The following ATF7 variants were observed in gnomAD, a reference collection of about 807,000 sequenced individuals.
The protein encoded by ATF7 is activating transcription factor 7.
A neutral mutation model predicts 50.4 loss-of-function variants in ATF7; 10 were observed. That is an observed-to-expected ratio of 0.20 (90% CI 0.12 to 0.34). The LOEUF (loss-of-function observed/expected upper bound fraction) is 0.34, where lower values mean the gene tolerates loss of function less well. Among genes scored for constraint, ATF7 ranks in the 10% least tolerant of loss-of-function variants. ATF7 has a pLI of 1.00. For missense variants in ATF7, 465 were observed against 613.9 expected (o/e 0.76, Z 2.56); for synonymous variants, 201 against 226.4 (o/e 0.89, Z 1.01).
intron 1 of ATF7, chr12:53,625,932 GC>G (rs1002920685): frequency 2.6e-5 from 4 of 152,134 alleles, no homozygotes; most frequent in African/African-American, 7.2e-5. Flanking sequence ...CACGCCCTGT[GC>G]CCCCCGGGGC....
chr12:53,614,415 G>T (rs1944025232), intron 1 of ATF7, among the ~76,000 whole-genome samples: 1 of 152,120 alleles, frequency 6.6e-6, no homozygotes, highest in African/African-American at 2.4e-5. Flanking sequence ...GATAAAGTAT[G>T]ATCCTCAAAA....
intron 2 of ATF7, among the ~76,000 whole-genome samples, chr12:53,592,272 A>C (rs1053360249): frequency 4.6e-5 from 7 of 152,258 alleles, no homozygotes; most frequent in Non-Finnish European, 8.8e-5. Flanking sequence ...ATTTCACTGC[A>C]CAAAGAAATT....
chr12:53,549,298 AG>A (rs56772632), intron 3 of ATF7, among the ~76,000 whole-genome samples: 9,564 of 51,886 alleles, frequency 0.18, 510 homozygotes, highest in East Asian at 0.54. Context: ...AAAAAAAAAA[AG>A]AAAGAAAAAA....
chr12:53,602,054 G>A (rs942684407), intron 1 of ATF7, among the ~76,000 whole-genome samples: 8 of 152,154 alleles, frequency 5.3e-5, no homozygotes, highest in Middle Eastern at 3.2e-3. Context: ...GATTAGAAAT[G>A]CAAATCATAG....
chr12:53,593,518 CAG>C (rs1943033256), intron 2 of ATF7, among the ~76,000 whole-genome samples: 1 of 152,178 alleles, frequency 6.6e-6, no homozygotes, highest in Non-Finnish European at 1.5e-5. Context: ...AAAAATCTTC[CAG>C]AGAGCATCTC....
chr12:53,552,284 A>G (rs1396567824), intron 3 of ATF7, among the ~76,000 whole-genome samples: 1 of 152,180 alleles, frequency 6.6e-6, no homozygotes, highest in Non-Finnish European at 1.5e-5. Context: ...ACGGTAATAG[A>G]CCGAAAAAAA....
intron 1 of ATF7, among the ~76,000 whole-genome samples, chr12:53,609,936 C>A (rs1318305420): frequency 6.7e-6 from 1 of 149,938 alleles, no homozygotes; most frequent in Non-Finnish European, 1.5e-5. Flanking sequence ...CATGCCTCAG[C>A]CTCTTGAGTA....
chr12:53,587,248 T>C (rs190125256), intron 2 of ATF7, among the ~76,000 whole-genome samples: 117 of 150,778 alleles, frequency 7.8e-4, no homozygotes, highest in African/African-American at 2.7e-3. Flanking sequence ...ACATCTGTAG[T>C]CCCAGCTACT....
intron 2 of ATF7, among the ~76,000 whole-genome samples, chr12:53,597,767 C>T (rs902232943): frequency 6.6e-6 from 1 of 150,676 alleles, no homozygotes; most frequent in South Asian, 2.1e-4. Context: ...TGATATAGCG[C>T]CACGGCACTC....
chr12:53,600,345 T>G (rs1257540135), intron 2 of ATF7, among the ~76,000 whole-genome samples: 2 of 145,360 alleles, frequency 1.4e-5, no homozygotes, highest in African/African-American at 5.0e-5. Flanking sequence ...TCTTTCTTTC[T>G]TTTTTTTTTT....
rs1241994577 is a variant in ATF7, at chr12:53,513,791, CTGTT to C, written c.*3342_*3345del. On this transcript the variant is annotated 3_prime_UTR_variant, in exon 12 of 12. Coordinates refer to ENST00000420353, the MANE Select transcript of ATF7 (RefSeq NM_006856.3). ...ACCACAGGAAGAATTTTTTTGGTGT[CTGTT>C]TGGTGGTTCAGGCTGTACATAGGGC... 1.3e-5 allele frequency: 2 copies of C among 152,076 alleles called. No homozygotes were observed. The highest frequency in any genetic ancestry group is 2.9e-5 in the Non-Finnish European group (2 of 68,050). 9.4% of individuals were successfully genotyped at this position (152,076 alleles called of 1,614,324 possible).
At chr12:53,538,821 T>G (rs2137413671) in intron 4 of ATF7, among the ~76,000 whole-genome samples, 1 of 152,224 alleles carries the variant, frequency 6.6e-6, no homozygotes, top group African/African-American at 2.4e-5. Context: ...TTAGAGAAGG[T>G]AGTAGTGGTT....
chr12:53,606,247 G>A (rs10747675), intron 1 of ATF7, among the ~76,000 whole-genome samples: 71,038 of 151,584 alleles, frequency 0.47, 17,431 homozygotes, highest in East Asian at 0.92. Context: ...AGCAGAAAGG[G>A]CACTTTTTTT....
intron 1 of ATF7, among the ~76,000 whole-genome samples, chr12:53,624,667 T>C (rs1565612346): frequency 6.6e-6 from 1 of 152,230 alleles, no homozygotes. Flanking sequence ...CATGTGTAAG[T>C]ACAAATTGTG....
At chr12:53,590,505 C>T (rs996653319) in intron 2 of ATF7, among the ~76,000 whole-genome samples, 2 of 152,164 alleles carry the variant, frequency 1.3e-5, no homozygotes, top group Non-Finnish European at 2.9e-5. Flanking sequence ...TTTTGCTCAA[C>T]CCTAATACCT....
At chr12:53,579,624 A>G (rs1367151159) in intron 2 of ATF7, among the ~76,000 whole-genome samples, 1 of 151,212 alleles carries the variant, frequency 6.6e-6, no homozygotes, top group Non-Finnish European at 1.5e-5. Context: ...TCTCTATGGT[A>G]GTGTCTTTAG....
chr12:53,530,314 T>C (rs1380091032), intron 9 of ATF7, among the ~76,000 whole-genome samples: 1 of 152,148 alleles, frequency 6.6e-6, no homozygotes, highest in African/African-American at 2.4e-5. Flanking sequence ...GGTGGTGACA[T>C]CAGGAAAAGA....
chr12:53,579,576 A>C (rs1348768620), intron 2 of ATF7, among the ~76,000 whole-genome samples: 7 of 146,700 alleles, frequency 4.8e-5, no homozygotes, highest in Non-Finnish European at 7.5e-5. Flanking sequence ...AAAAGCGTGG[A>C]GTGTGCGTAA....
intron 2 of ATF7, among the ~76,000 whole-genome samples, chr12:53,594,017 G>T: frequency 6.6e-6 from 1 of 152,198 alleles, no homozygotes; most frequent in South Asian, 2.1e-4. Flanking sequence ...TGCTGCATTC[G>T]CTGGAAGACT....
Sources: gnomAD v4.1 joint callset for allele counts (sites outside exome capture counted in the v4.1 genomes callset) on GRCh38, gnomAD v4.1.1 for gene constraint, MANE v1.5 for transcripts, NCBI Gene and HGNC (gene_info 2026-07-23, HGNC 2026-07-21) for gene names.